The following CCDC7 variants were observed in gnomAD, a reference collection of about 807,000 sequenced individuals.
The protein encoded by CCDC7 is coiled-coil domain containing 7.
In CCDC7, 183 loss-of-function variants were observed where a neutral mutation model predicts 196.9. The observed-to-expected ratio is 0.93, with a 90% CI of 0.82 to 1.05. The LOEUF is 1.05. Ranked by LOEUF, CCDC7 falls within the 50% of genes least tolerant of loss-of-function variation. CCDC7 has a pLI of 0.00. For synonymous variants in CCDC7, 525 were observed against 484.6 expected, an observed-to-expected ratio of 1.08 and a Z score of -1.10; for missense variants, 1,540 against 1,482.2, an observed-to-expected ratio of 1.04 and a Z score of -0.64.
chr10:32,789,126 T>TTAC (rs1481385449), intron 29 of CCDC7, among the ~76,000 whole-genome samples: 1 of 150,576 alleles, frequency 6.6e-6, no homozygotes, highest in Non-Finnish European at 1.5e-5. Context: ...CAAGGCCAGT[T>TTAC]TGTAAAGACT....
intron 1 of CCDC7, among the ~76,000 whole-genome samples, chr10:32,452,360 T>C (rs536326987): frequency 3.3e-5 from 5 of 152,334 alleles, no homozygotes; most frequent in African/African-American, 1.2e-4. Context: ...CCTCCTGAAA[T>C]CCAGGATCTC....
At chr10:32,455,442 G>A (rs983944023) in intron 2 of CCDC7, among the ~76,000 whole-genome samples, 5 of 151,976 alleles carry the variant, frequency 3.3e-5, no homozygotes, top group Non-Finnish European at 7.4e-5. Context: ...AGCCACCCAC[G>A]TAGCTGGGAT....
intron 28 of CCDC7, among the ~76,000 whole-genome samples, chr10:32,758,059 G>A (rs2133738373): frequency 6.6e-6 from 1 of 152,218 alleles, no homozygotes; most frequent in East Asian, 1.9e-4. Flanking sequence ...GGAAGAAGTT[G>A]AATCCCTGAA....
chr10:32,550,630 G>A (rs1167998628), intron 13 of CCDC7, among the ~76,000 whole-genome samples: 1 of 152,056 alleles, frequency 6.6e-6, no homozygotes, highest in African/African-American at 2.4e-5. Context: ...TTTGTTGAAT[G>A]ATTTTTCTGC....
chr10:32,605,840 T>TAGAAA (rs71299732), intron 18 of CCDC7, among the ~76,000 whole-genome samples: 37,766 of 151,482 alleles, frequency 0.25, 5,245 homozygotes, highest in South Asian at 0.44. Flanking sequence ...CCTGGCCATA[T>TAGAAA]AGAAAAGAAA....
intron 41 of CCDC7, among the ~76,000 whole-genome samples, chr10:32,870,573 T>C (rs985051089): frequency 3.3e-5 from 5 of 152,070 alleles, no homozygotes; most frequent in African/African-American, 1.2e-4. Context: ...CTTTTCCTAA[T>C]TGAATACCCT....
At chr10:32,747,256 TA>T (rs773073226) in intron 28 of CCDC7, among the ~76,000 whole-genome samples, 144 of 152,168 alleles carry the variant, frequency 9.5e-4, no homozygotes, top group Non-Finnish European at 1.6e-3. Flanking sequence ...CCTACAACTA[TA>T]AAAACCCTAG....
At chr10:32,850,039 G>A (rs1301916201) in intron 39 of CCDC7, among the ~76,000 whole-genome samples, 6 of 152,086 alleles carry the variant, frequency 3.9e-5, no homozygotes, top group Non-Finnish European at 8.8e-5. Flanking sequence ...CAAACTCTTT[G>A]TTGCCATGGG....
chr10:32,570,710 A>T (rs570266445), intron 15 of CCDC7, among the ~76,000 whole-genome samples: 2 of 152,176 alleles, frequency 1.3e-5, no homozygotes, highest in African/African-American at 4.8e-5. Flanking sequence ...GCTGGAGGAG[A>T]TGCACATTCT....
chr10:32,726,644 G>T, intron 25 of CCDC7, 90 bp from the exon 27 acceptor site: 1 of 685,622 alleles, frequency 1.5e-6, no homozygotes. Context: ...CTATATACTT[G>T]TTATAAACTT....
chr10:32,814,613 C>T (rs2135415879), intron 31 of CCDC7, among the ~76,000 whole-genome samples, 160 bp downstream of exon 32: 1 of 152,238 alleles, frequency 6.6e-6, no homozygotes, highest in African/African-American at 2.4e-5. Context: ...CTAGTTTCAA[C>T]TAGCAATGTA....
At chr10:32,704,986 T>C (rs1350678682) in intron 24 of CCDC7, among the ~76,000 whole-genome samples, 1 of 152,282 alleles carries the variant, frequency 6.6e-6, no homozygotes, top group African/African-American at 2.4e-5. Flanking sequence ...CTCGCCCTGC[T>C]TCGGGTCCCG....
intron 20 of CCDC7, among the ~76,000 whole-genome samples, chr10:32,655,374 G>A (rs1045131322): frequency 5.3e-5 from 8 of 152,068 alleles, no homozygotes; most frequent in African/African-American, 1.9e-4. Flanking sequence ...TCTTTCTCCA[G>A]TTTCTCACCA....
At chr10:32,610,246 A>G (rs2061959794) in intron 18 of CCDC7, among the ~76,000 whole-genome samples, 1 of 151,962 alleles carries the variant, frequency 6.6e-6, no homozygotes, top group African/African-American at 2.4e-5. Context: ...CTGGGGCTAC[A>G]GGCGCCCGCC....
At chr10:32,464,972 T>A (rs978539864) in intron 5 of CCDC7, among the ~76,000 whole-genome samples, 18 of 152,196 alleles carry the variant, frequency 1.2e-4, no homozygotes, top group African/African-American at 3.9e-4. Flanking sequence ...AGCCTGTTTT[T>A]AAAAAAATTA....
intron 20 of CCDC7, among the ~76,000 whole-genome samples, chr10:32,646,967 T>A (rs1165014200): frequency 6.6e-6 from 1 of 152,228 alleles, no homozygotes; most frequent in Non-Finnish European, 1.5e-5. Context: ...CCATATTTCC[T>A]TTCTCCAATC....
At chr10:32,649,861 A>ACCTG in intron 20 of CCDC7, among the ~76,000 whole-genome samples, 1 of 152,176 alleles carries the variant, frequency 6.6e-6, no homozygotes, top group Admixed American at 6.5e-5. Context: ...CAGCTCAGGA[A>ACCTG]GTTCAGTTTG....
chr10:32,686,052 A>G, exon 22 of CCDC7: 1 of 1,547,878 alleles, frequency 6.5e-7, no homozygotes, highest in Non-Finnish European at 8.8e-7. Context: ...TAAAGAAACA[A>G]GAAACTTCTA....
Position 32,644,039 on chromosome 10 carries a change from G to A in CCDC7, c.2014+8881G>A, listed in dbSNP as rs370230916. On this transcript the variant is annotated intron_variant, in intron 20 of 41. Coordinates refer to ENST00000639629, the Ensembl canonical transcript of CCDC7. ...GGTGTCACTCTTTATTGTAGTCTAA[G>A]CCTCTCTTCCTTTTTATTTAAGATT... 2.6e-5 allele frequency among the ~76,000 whole-genome samples: 4 copies of A among 151,988 alleles called. No homozygotes were observed. In the East Asian group the frequency reaches 7.7e-4, roughly 29 times the overall value.
Sources: gnomAD v4.1 joint callset for allele counts (sites outside exome capture counted in the v4.1 genomes callset) on GRCh38, gnomAD v4.1.1 for gene constraint, MANE v1.5 for transcripts, NCBI Gene and HGNC (gene_info 2026-07-23, HGNC 2026-07-21) for gene names.